PTPN14: variants seen among roughly 807,000 people sequenced by gnomAD.
PTPN14 encodes the protein protein tyrosine phosphatase non-receptor type 14, also known as tyrosine-protein phosphatase non-receptor type 14.
A neutral mutation model predicts 126.8 loss-of-function variants in PTPN14; 53 were observed. That is an observed-to-expected ratio of 0.42 (90% CI 0.34 to 0.53). PTPN14 has a LOEUF of 0.53. Ranked by LOEUF, PTPN14 falls within the 20% of genes least tolerant of loss-of-function variation. The pLI, the probability that PTPN14 is intolerant of heterozygous loss-of-function variation, is 0.08. For missense variants in PTPN14, 1,257 were observed against 1,552.9 expected (o/e 0.81, Z 3.20); for synonymous variants, 630 against 599.3 (o/e 1.05, Z -0.75).
intron 12 of PTPN14, among the ~76,000 whole-genome samples, chr1:214,386,084 G>A (rs1311398988): frequency 2.0e-5 from 3 of 152,092 alleles, no homozygotes; most frequent in Non-Finnish European, 2.9e-5. Flanking sequence ...TTAGCATAAC[G>A]ATTACAAGTT....
At chr1:214,500,602 A>C (rs1303031505) in intron 1 of PTPN14, among the ~76,000 whole-genome samples, 1 of 152,150 alleles carries the variant, frequency 6.6e-6, no homozygotes, top group African/African-American at 2.4e-5. Context: ...ACAACCTCCT[A>C]ATGTTTCAGA....
chr1:214,405,137 A>G (rs1249613244), intron 5 of PTPN14, among the ~76,000 whole-genome samples: 2 of 152,202 alleles, frequency 1.3e-5, no homozygotes, highest in Non-Finnish European at 2.9e-5. Context: ...GAACCATCCC[A>G]TAACGTCATG....
intron 18 of PTPN14, among the ~76,000 whole-genome samples, chr1:214,360,976 T>G (rs1249962209): frequency 6.6e-6 from 1 of 152,024 alleles, no homozygotes; most frequent in Non-Finnish European, 1.5e-5. Context: ...CCCCCTTTGC[T>G]CTCTCTCTCT....
intron 2 of PTPN14, among the ~76,000 whole-genome samples, chr1:214,457,992 CATCTATATCTAT>C (rs58773276): frequency 0.51 from 76,994 of 149,932 alleles, 20,509 homozygotes; most frequent in African/African-American, 0.65. Context: ...ATCACAGTTT[CATCTATATCTAT>C]ATCTATATCT....
At position 214,411,821 on chromosome 1, in the gene PTPN14, ACT is replaced by A. The variant is rs897294725; in HGVS notation, c.443-72_443-71del. 5.7e-6 allele frequency: 5 copies of A among 884,372 alleles called. No homozygotes were observed. The African/African-American group carries it at 6.9e-5, about 12-fold the overall frequency. 54.8% of individuals were successfully genotyped at this position (884,372 alleles called of 1,614,324 possible). A position where few individuals can be genotyped will look rare whatever the true frequency, so the allele number is the denominator to read the frequency against. ...TTAAAGATGGAATAAAATAGGGCAA[ACT>A]CATCACTACATTATTCTTCACATTT... is the stretch of plus-strand genomic sequence containing the variant. On this transcript the variant is annotated intron_variant, in intron 4 of 18. Transcript: ENST00000366956.
At chr1:214,549,999 G>A (rs1230051097) in intron 1 of PTPN14, among the ~76,000 whole-genome samples, 3 of 152,188 alleles carry the variant, frequency 2.0e-5, no homozygotes, top group Non-Finnish European at 4.4e-5. Flanking sequence ...CTCTGCACGA[G>A]CTGTTTCCTC....
intron 1 of PTPN14, among the ~76,000 whole-genome samples, chr1:214,519,483 T>C (rs780745973): frequency 1.3e-5 from 2 of 152,132 alleles, no homozygotes; most frequent in African/African-American, 2.4e-5. Flanking sequence ...GTCCATAATA[T>C]ACTGAAGTAA....
chr1:214,433,215 T>C lies in PTPN14; in HGVS notation c.345-18489A>G, dbSNP rs552051087. Among the ~76,000 whole-genome samples, 53 of 152,178 alleles carry C rather than the reference T, an allele frequency of 3.5e-4. 1 individual carries two copies. In the South Asian group the frequency reaches 0.01, roughly 29 times the overall value. Reference sequence around the variant, plus strand: ...CGGCCTCACTTTTCATTTTTGCACTTGTCTGTGCATATGTTATATTTCACC... The same window carrying C: ...CGGCCTCACTTTTCATTTTTGCACTCGTCTGTGCATATGTTATATTTCACC... On this transcript the variant is annotated intron_variant, in intron 3 of 18. Transcript: ENST00000366956.
chr1:214,391,194 A>G, intron 10 of PTPN14, 149 bp from the exon 11 acceptor site: 1 of 441,440 alleles, frequency 2.3e-6, no homozygotes, highest in Non-Finnish European at 3.9e-6. Context: ...GGTAACACTA[A>G]GAACAATCTT....
At chr1:214,469,272 G>A (rs1660703517) in intron 1 of PTPN14, among the ~76,000 whole-genome samples, 1 of 152,158 alleles carries the variant, frequency 6.6e-6, no homozygotes, top group East Asian at 1.9e-4. Flanking sequence ...TTGCACATAT[G>A]TTAAAATTCC....
At chr1:214,395,768 C>T (rs1432946171) in intron 8 of PTPN14, among the ~76,000 whole-genome samples, 1 of 152,146 alleles carries the variant, frequency 6.6e-6, no homozygotes, top group African/African-American at 2.4e-5. Flanking sequence ...TTACCCTTCA[C>T]CTGGTGCCCC....
At chr1:214,444,835 C>T (rs770444729) in intron 3 of PTPN14, among the ~76,000 whole-genome samples, 2 of 152,038 alleles carry the variant, frequency 1.3e-5, no homozygotes, top group Non-Finnish European at 2.9e-5. Context: ...TGCCATGGGC[C>T]CAAATACGTA....
chr1:214,474,393 AC>A lies in PTPN14; in HGVS notation c.-154-9437del, dbSNP rs1405361690. 7.2e-5 allele frequency among the ~76,000 whole-genome samples: 11 copies of A among 152,318 alleles called. No individual in the cohort carries two copies. The East Asian group carries it at 1.9e-3, about 27-fold the overall frequency. On this transcript the variant is annotated intron_variant, in intron 1 of 18. Transcript: ENST00000366956. The stretch of plus-strand genomic sequence containing the variant: ...AGTACAGTTCTTTACAAGTTCCTTG[AC>A]CTGACTTCTCAGCCCTTAACAGATT...
chr1:214,529,681 T>G (rs2102467634), intron 1 of PTPN14: 2 of 152,350 alleles, frequency 1.3e-5, no homozygotes, highest in South Asian at 4.1e-4. Context: ...GCCAGGAGTT[T>G]GAGACCAGCC....
At chr1:214,532,362 CG>C in intron 1 of PTPN14, 1 of 585,144 alleles carries the variant, frequency 1.7e-6, no homozygotes, top group South Asian at 1.7e-5. Flanking sequence ...CTTGGGGTCC[CG>C]GGGCCTGGCC....
chr1:214,399,326 TA>T (rs1451454465), intron 7 of PTPN14, among the ~76,000 whole-genome samples: 3 of 152,198 alleles, frequency 2.0e-5, no homozygotes, highest in African/African-American at 4.8e-5. Context: ...GAGAGATAGA[TA>T]TTTTTTTCCT....
intron 17 of PTPN14, among the ~76,000 whole-genome samples, chr1:214,366,908 C>T (rs934017614): frequency 1.3e-5 from 2 of 149,374 alleles, no homozygotes; most frequent in African/African-American, 5.0e-5. Context: ...GGCGTGAACT[C>T]GGGAGGCGGA....
At chr1:214,406,656 T>G (rs980229334) in intron 5 of PTPN14, among the ~76,000 whole-genome samples, 2 of 152,168 alleles carry the variant, frequency 1.3e-5, no homozygotes, top group Non-Finnish European at 2.9e-5. Context: ...GTCTGTCCAA[T>G]GATGAGATTT....
chr1:214,388,300 G>A (rs972388455), intron 11 of PTPN14, among the ~76,000 whole-genome samples: 1 of 152,044 alleles, frequency 6.6e-6, no homozygotes, highest in Non-Finnish European at 1.5e-5. Context: ...GAGGTTCCAG[G>A]TAAGAATTTG....
Sources: allele counts gnomAD v4.1 joint callset (sites outside exome capture counted in the v4.1 genomes callset), GRCh38; gene constraint gnomAD v4.1.1; transcripts MANE v1.5; gene names NCBI Gene and HGNC (gene_info 2026-07-23, HGNC 2026-07-21).